Variants in NSUN2 observed in about 807,000 individuals in gnomAD.
The protein encoded by NSUN2 is NOP2/Sun RNA methyltransferase 2.
In NSUN2, 63 loss-of-function variants were observed where a neutral mutation model predicts 92.7. The ratio of observed to expected loss-of-function variants is 0.68; its 90% CI spans 0.56 to 0.84. NSUN2 has a LOEUF of 0.84. Among genes scored for constraint, NSUN2 ranks in the 40% least tolerant of loss-of-function variants. The probability of loss-of-function intolerance (pLI) is 0.00; values close to 1 mark genes in which losing one functional copy is unlikely to be tolerated. For missense variants in NSUN2, 989 were observed against 964.9 expected, an observed-to-expected ratio of 1.02 and a Z score of -0.33; for synonymous variants, 356 against 348.3, an observed-to-expected ratio of 1.02 and a Z score of -0.25.
chr5:6,604,418 C>G lies in NSUN2; in HGVS notation c.1819-142G>C, dbSNP rs1560971512. On this transcript the variant is annotated intron_variant, in intron 16 of 18. Coordinates refer to ENST00000264670, the MANE Select transcript of NSUN2 (RefSeq NM_017755.6). Reference sequence around the variant, plus strand: ...CCCTCCCCTTGGACAGGTGTGGAACCCACCCCCCCCTAGGAGGGGAAACCA... The same window carrying G: ...CCCTCCCCTTGGACAGGTGTGGAACGCACCCCCCCCTAGGAGGGGAAACCA... 5 of 903,784 alleles carry G rather than the reference C, an allele frequency of 5.5e-6. No homozygotes were observed. In the Admixed American group the frequency reaches 1.4e-4, roughly 25 times the overall value. The allele number at this position is 903,784 out of a possible 1,614,324, so 56.0% of individuals were successfully genotyped here.
chr5:6,631,808 A>G (rs1167252236), intron 3 of NSUN2, 65 bp downstream of exon 3: 2 of 1,214,310 alleles, frequency 1.6e-6, no homozygotes, highest in African/African-American at 3.0e-5. Flanking sequence ...ACCAAGAAAT[A>G]TAATTCAAGT....
At chr5:6,613,589 A>G (rs1321204357) in intron 9 of NSUN2, among the ~76,000 whole-genome samples, 1 of 152,220 alleles carries the variant, frequency 6.6e-6, no homozygotes, top group Non-Finnish European at 1.5e-5. Flanking sequence ...CCCTTAGAAC[A>G]AAGCTCAACT....
At chr5:6,617,533 TG>T (rs1449587138) in intron 8 of NSUN2, among the ~76,000 whole-genome samples, 2 of 152,236 alleles carry the variant, frequency 1.3e-5, no homozygotes, top group Non-Finnish European at 2.9e-5. Flanking sequence ...ATTTTCCAAT[TG>T]TTCTTTAATG....
Position 6,605,187 on chromosome 5 carries a change from G to A in NSUN2, c.1737+86C>T, listed in dbSNP as rs1197082849. 2.3e-5 allele frequency: 35 copies of A among 1,554,016 alleles called. No homozygotes were observed. The Admixed American group carries it at 2.4e-4, about 11-fold the overall frequency. On this transcript the variant is annotated intron_variant, in intron 15 of 18. Transcript: ENST00000264670. ...TACAGGTGGGGAGGGCAGATGTCACGGTCTGCTCCAAATGAAATCTAAGCC... is the reference window on the plus strand; with the variant it reads ...TACAGGTGGGGAGGGCAGATGTCACAGTCTGCTCCAAATGAAATCTAAGCC...
intron 4 of NSUN2, among the ~76,000 whole-genome samples, chr5:6,624,351 G>A (rs369092123): frequency 2.0e-5 from 3 of 152,106 alleles, no homozygotes; most frequent in East Asian, 3.9e-4. Context: ...TAACCCAGAG[G>A]TTATTGCCAT....
At chr5:6,622,791 G>A (rs1309918023) in intron 5 of NSUN2, among the ~76,000 whole-genome samples, 1 of 150,222 alleles carries the variant, frequency 6.7e-6, no homozygotes, top group Non-Finnish European at 1.5e-5. Context: ...AGGTTGCAGT[G>A]AGCCAAGATC....
chr5:6,603,622 G>A lies in NSUN2; in HGVS notation c.1957+516C>T, dbSNP rs555982634. On this transcript the variant is annotated intron_variant, in intron 17 of 18. Transcript: ENST00000264670. The stretch of plus-strand genomic sequence containing the variant: ...AGGAGAATGGCTGAACCTGGGAGGC[G>A]GAGCTTGCAGTGAGCCGAGATCGTG... Among the ~76,000 whole-genome samples, 130 of 152,298 alleles carry A rather than the reference G, an allele frequency of 8.5e-4. 1 individual carries two copies. The highest frequency in any genetic ancestry group is 1.5e-3 in the Non-Finnish European group (100 of 68,030).
At chr5:6,613,097 T>TC (rs2126485585) in intron 9 of NSUN2, among the ~76,000 whole-genome samples, 1 of 152,332 alleles carries the variant, frequency 6.6e-6, no homozygotes, top group South Asian at 2.1e-4. Flanking sequence ...GGCTGTGACA[T>TC]CATACTGTAC....
chr5:6,603,662 C>T (rs1379154423), intron 17 of NSUN2, among the ~76,000 whole-genome samples: 2 of 152,302 alleles, frequency 1.3e-5, no homozygotes, highest in East Asian at 3.9e-4. Context: ...TGTACTCCAG[C>T]CTGGGTGACA....
chr5:6,604,426 C>G lies in NSUN2; in HGVS notation c.1819-150G>C, dbSNP rs866236839. 2.9e-5 allele frequency: 27 copies of G among 930,006 alleles called. 1 individual carries two copies. Among genetic ancestry groups the G allele is most frequent in the South Asian group, 2.3e-4 (14 of 62,054 alleles). 57.6% of individuals were successfully genotyped at this position (930,006 alleles called of 1,614,324 possible). ...TTGGACAGGTGTGGAACCCACCCCC[C>G]CCTAGGAGGGGAAACCAGCACTCTG... is the stretch of plus-strand genomic sequence containing the variant. On this transcript the variant is annotated intron_variant, in intron 16 of 18. Coordinates refer to ENST00000264670, the MANE Select transcript of NSUN2 (RefSeq NM_017755.6).
chr5:6,600,444 C>T (rs984905569), intron 18 of NSUN2, among the ~76,000 whole-genome samples: 2 of 152,192 alleles, frequency 1.3e-5, no homozygotes, highest in Non-Finnish European at 2.9e-5. Context: ...TTCTCACCCT[C>T]GCTTTCGCCC....
At chr5:6,627,276 T>C (rs1162134672) in intron 3 of NSUN2, among the ~76,000 whole-genome samples, 2 of 152,276 alleles carry the variant, frequency 1.3e-5, no homozygotes, top group South Asian at 2.1e-4. Context: ...GCATTTGCTA[T>C]AGTATTGGGC....
In NSUN2 at chr5:6,632,976, C is replaced by A; in HGVS notation, c.4G>T (p.Gly2Trp). The A allele has an allele frequency of 6.8e-7, 1 of 1,471,520 alleles. No homozygotes were observed. Among genetic ancestry groups the A allele is most frequent in the Non-Finnish European group, 8.9e-7 (1 of 1,121,364 alleles). 91.2% of individuals were successfully genotyped at this position (1,471,520 alleles called of 1,614,324 possible). A position where few individuals can be genotyped will look rare whatever the true frequency, so the allele number is the denominator to read the frequency against. M[G>W]RRSRGRRLQQ... ...AGCCGCCGACCCCGCGACCGCCGCCCCATAGCCCACGCGGCCGCGCACGCA... is the reference window on the plus strand; with the variant it reads ...AGCCGCCGACCCCGCGACCGCCGCCACATAGCCCACGCGGCCGCGCACGCA... Residue 2 changes from glycine (G) to tryptophan (W), a missense_variant, in exon 1 of 19, where the codon GGG (glycine) becomes TGG (tryptophan). Physicochemically the swap from Gly to Trp is radical, Grantham distance 184. This residue lies in a region of NSUN2 where 356 missense variants were observed against 338.6 expected (regional missense o/e 1.05). Coordinates refer to ENST00000264670, the MANE Select transcript of NSUN2 (RefSeq NM_017755.6).
chr5:6,628,252 G>A (rs886769894), intron 3 of NSUN2, among the ~76,000 whole-genome samples: 2 of 152,190 alleles, frequency 1.3e-5, no homozygotes, highest in East Asian at 1.9e-4. Context: ...GGACGCTGAG[G>A]TGGGAGGATC....
At chr5:6,621,482 C>T (rs1055243222) in intron 6 of NSUN2, 2 of 152,210 alleles carry the variant, frequency 1.3e-5, no homozygotes, top group Non-Finnish European at 2.9e-5. Context: ...GGCGTGGTGG[C>T]TCACACCTGT....
Position 6,607,368 on chromosome 5 carries a change from G to A in NSUN2, c.1340C>T (p.Ala447Val). The change falls in exon 13 of 19, where the codon GCA becomes GTA. Residue 447 changes from alanine to valine, a missense_variant. This residue lies in a region of NSUN2 where 626 missense variants were observed against 602.3 expected (regional missense o/e 1.04). Coordinates refer to ENST00000264670, the MANE Select transcript of NSUN2 (RefSeq NM_017755.6). ...CAGCTGTGTGCTTTCTCTGGTCTCT[G>A]CAGATTTACCCTGAAGCTGTCATAA... ...KRQPKLQGKSAETRESTQLSP... is the reference protein window; with the variant it reads ...KRQPKLQGKSVETRESTQLSP... The A allele has an allele frequency of 6.2e-7, 1 of 1,613,304 alleles. No homozygotes were observed.
In NSUN2 at chr5:6,617,959, T is replaced by G. The variant is rs2126492936; in HGVS notation, c.881A>C (p.Gln294Pro). 1 of 1,613,022 alleles carries G rather than the reference T, an allele frequency of 6.2e-7. No individual in the cohort carries two copies. Among genetic ancestry groups the G allele is most frequent in the South Asian group, 1.1e-5 (1 of 91,036 alleles). ...ATGAAGTTTTACTTACCCATGTAGC[T>G]GCAAGCTATTTAAGGTGGTCCACTT... is the stretch of plus-strand genomic sequence containing the variant. ...WKKWTTLNSL[Q>P]LHGLQLRIAT... The change falls in exon 8 of 19, where the codon CAG (glutamine) becomes CCG (proline). Residue 294 changes from glutamine to proline, a missense_variant. Physicochemically the swap from Gln to Pro is moderately conservative, Grantham distance 76 (BLOSUM62 -1). Coordinates refer to ENST00000264670, the MANE Select transcript of NSUN2 (RefSeq NM_017755.6).
intron 4 of NSUN2, among the ~76,000 whole-genome samples, chr5:6,625,029 G>A (rs1431193093): frequency 6.6e-6 from 1 of 151,918 alleles, no homozygotes; most frequent in African/African-American, 2.4e-5. Flanking sequence ...GCCGTCCTGT[G>A]AGGACCAAAG....
intron 12 of NSUN2, among the ~76,000 whole-genome samples, chr5:6,607,738 C>T (rs772602226): frequency 6.6e-6 from 1 of 152,134 alleles, no homozygotes; most frequent in Non-Finnish European, 1.5e-5. Flanking sequence ...GTGCACCAAG[C>T]ACGATTTCTA....
Sources: allele counts gnomAD v4.1 joint callset (sites outside exome capture counted in the v4.1 genomes callset), GRCh38; gene constraint gnomAD v4.1.1; regional missense constraint gnomAD v4.1.1; transcripts MANE v1.5; gene names NCBI Gene and HGNC (gene_info 2026-07-23, HGNC 2026-07-21).